The following CYP20A1 variants were observed in gnomAD, a reference collection of about 807,000 sequenced individuals.
CYP20A1 encodes the protein cytochrome P450 family 20 subfamily A member 1.
Under a neutral mutation model 61.4 loss-of-function variants are expected in CYP20A1, and 61 were observed. The ratio of observed to expected loss-of-function variants is 0.99; its 90% CI spans 0.81 to 1.23. The LOEUF (loss-of-function observed/expected upper bound fraction) is 1.23, where lower values mean the gene tolerates loss of function less well. CYP20A1 is among the 50% of genes most tolerant of loss of function. CYP20A1 has a pLI of 0.00. For synonymous variants in CYP20A1, 193 were observed against 188.2 expected (o/e 1.03, Z -0.21); for missense variants, 530 against 542.4 (o/e 0.98, Z 0.23).
chr2:203,249,294 C>G (rs1460525266), intron 3 of CYP20A1, among the ~76,000 whole-genome samples: 1 of 152,130 alleles, frequency 6.6e-6, no homozygotes, highest in African/African-American at 2.4e-5. Flanking sequence ...GTGCGAAGAT[C>G]GCTTGAACCC....
intron 2 of CYP20A1, 96 bp from the exon 3 acceptor site, chr2:203,246,659 C>T: frequency 2.7e-6 from 3 of 1,126,040 alleles, no homozygotes; most frequent in Non-Finnish European, 3.6e-6. Flanking sequence ...AACCTTTGTT[C>T]TCATTTATTG....
Position 203,266,695 on chromosome 2 carries a change from T to C in CYP20A1, c.600+14T>C, listed in dbSNP as rs567669951. Reference sequence around the variant, plus strand: ...AATCATGGCACAGTAAGTCTGGGGCTAAATTTAAAATTACTCTTTCAGGCT... The same window carrying C: ...AATCATGGCACAGTAAGTCTGGGGCCAAATTTAAAATTACTCTTTCAGGCT... On this transcript the variant is annotated intron_variant, in intron 5 of 12. Transcript: ENST00000356079. The C allele has an allele frequency of 6.2e-7, 1 of 1,610,502 alleles. No individual in the cohort carries two copies. Among genetic ancestry groups the C allele is most frequent in the Admixed American group, 1.7e-5 (1 of 59,934 alleles).
At chr2:203,243,665 T>A (rs1390536242) in intron 1 of CYP20A1, among the ~76,000 whole-genome samples, 1 of 149,496 alleles carries the variant, frequency 6.7e-6, no homozygotes. Flanking sequence ...ATTACAGGTA[T>A]GAGCCACTGC....
chr2:203,255,307 A>G (rs541820503), intron 4 of CYP20A1, among the ~76,000 whole-genome samples: 1 of 152,376 alleles, frequency 6.6e-6, no homozygotes, highest in South Asian at 2.1e-4. Flanking sequence ...TACTTTTTAA[A>G]AAAACTATGA....
chr2:203,239,210 C>A, intron 1 of CYP20A1, 76 bp downstream of exon 1: 1 of 1,289,364 alleles, frequency 7.8e-7, no homozygotes, highest in Non-Finnish European at 1.1e-6. Flanking sequence ...GGCCAACCTG[C>A]CCGCTGCGGG....
chr2:203,254,825 C>T (rs2066834763), intron 4 of CYP20A1, among the ~76,000 whole-genome samples: 2 of 151,990 alleles, frequency 1.3e-5, no homozygotes, highest in South Asian at 4.1e-4. Flanking sequence ...TCCATCTCTA[C>T]TAAAAATACA....
At chr2:203,249,734 A>G (rs62183879) in intron 3 of CYP20A1, among the ~76,000 whole-genome samples, 2,196 of 152,250 alleles carry the variant, frequency 0.014, 17 homozygotes, top group Non-Finnish European at 0.022. Context: ...AATCCCAGCT[A>G]CTGGAGAGGC....
intron 1 of CYP20A1, among the ~76,000 whole-genome samples, 192 bp downstream of exon 1, chr2:203,239,326 G>A (rs577378781): frequency 6.6e-6 from 1 of 152,052 alleles, no homozygotes; most frequent in African/African-American, 2.4e-5. Context: ...CTCTGAGAGC[G>A]ACGTGGGCTG....
chr2:203,285,846 T>A, intron 9 of CYP20A1, 114 bp downstream of exon 9: 1 of 900,742 alleles, frequency 1.1e-6, no homozygotes, highest in Non-Finnish European at 1.5e-6. Flanking sequence ...GGACTTAAAG[T>A]ATTTATATGT....
At chr2:203,264,454 C>T (rs2067251147) in intron 4 of CYP20A1, among the ~76,000 whole-genome samples, 1 of 152,118 alleles carries the variant, frequency 6.6e-6, no homozygotes, top group Non-Finnish European at 1.5e-5. Context: ...ATTAACTCCA[C>T]TAGCTTTCTT....
chr2:203,280,123 A>G lies in CYP20A1; in HGVS notation c.850+10A>G. 3.8e-6 allele frequency: 6 copies of G among 1,594,384 alleles called. No individual in the cohort carries two copies. Among genetic ancestry groups the G allele is most frequent in the Non-Finnish European group, 5.1e-6 (6 of 1,167,514 alleles). ...ATAATAACTGCAAAATGTAAGTATA[A>G]ATTGATTTCTTTTTCAGAGGAATTA... On this transcript the variant is annotated intron_variant, in intron 8 of 12. Transcript: ENST00000356079.
intron 4 of CYP20A1, among the ~76,000 whole-genome samples, chr2:203,262,317 C>G (rs369117266): frequency 1.3e-5 from 2 of 152,078 alleles, no homozygotes; most frequent in Non-Finnish European, 2.9e-5. Context: ...CTCAGCCCCT[C>G]AAAGTGCTGG....
chr2:203,289,822 T>C lies in CYP20A1; in HGVS notation c.1029T>C (p.Ser343=). The change falls in exon 10 of 13, where the codon TCT becomes TCC. Residue 343 remains serine, a synonymous_variant. Coordinates refer to ENST00000356079, the MANE Select transcript of CYP20A1 (RefSeq NM_177538.3). ...GAACTGCCAAACTGACTCCAGTTTC[T>C]GCCCAGCTTCAAGATATTGAAGGAA... ...TVRTAKLTPV[S]AQLQDIEGKI... 6.2e-7 allele frequency: 1 copy of C among 1,602,538 alleles called. No homozygotes were observed. Among genetic ancestry groups the C allele is most frequent in the South Asian group, 1.1e-5 (1 of 88,948 alleles).
chr2:203,274,274 C>G (rs2067724539), intron 6 of CYP20A1, among the ~76,000 whole-genome samples: 1 of 151,564 alleles, frequency 6.6e-6, no homozygotes, highest in African/African-American at 2.4e-5. Flanking sequence ...CAACCTCTGC[C>G]TCCTGGATTC....
chr2:203,296,675 G>A (rs1304137186), intron 12 of CYP20A1, 83 bp from the exon 13 acceptor site: 2 of 1,465,242 alleles, frequency 1.4e-6, no homozygotes, highest in African/African-American at 2.8e-5. Flanking sequence ...TGTACTTTAA[G>A]TTCTGGGGTT....
At chr2:203,265,716 A>C (rs563268909) in intron 4 of CYP20A1, among the ~76,000 whole-genome samples, 77 of 152,264 alleles carry the variant, frequency 5.1e-4, no homozygotes, top group African/African-American at 1.8e-3. Flanking sequence ...TTTGAGACAG[A>C]GTCTCGCTCT....
rs78718409 is a variant in CYP20A1 at position 203,248,612 on chromosome 2, A to G, written c.289+1691A>G. On this transcript the variant is annotated intron_variant, in intron 3 of 12. Transcript: ENST00000356079. ...GTAGAGAGTTCAGAAGACAAACCAA[A>G]TATGTATGATAAAGATAGCATTTTA... 1.3e-3 allele frequency among the ~76,000 whole-genome samples: 196 copies of G among 152,316 alleles called. 1 individual carries two copies. The highest frequency in any genetic ancestry group is 2.1e-3 in the Admixed American group (32 of 15,296).
intron 4 of CYP20A1, chr2:203,259,467 C>T (rs1319223107): frequency 6.6e-6 from 1 of 152,090 alleles, no homozygotes; most frequent in Non-Finnish European, 1.5e-5. Flanking sequence ...CTTCCCCCCT[C>T]TCTCTTGCTC....
In CYP20A1 at chr2:203,302,986, C is replaced by G. The variant is rs532304666; in HGVS notation, c.*6078C>G. Among the ~76,000 whole-genome samples the G allele has an allele frequency of 6.6e-6, 1 of 151,576 alleles. No individual in the cohort carries two copies. Among genetic ancestry groups the G allele is most frequent in the South Asian group, 2.1e-4 (1 of 4,788 alleles). ...GATTACAAGCATGAGCCACCGCGCT[C>G]GGTCCCTTTCTTTTTATTTATTTAT... On this transcript the variant is annotated 3_prime_UTR_variant, in exon 13 of 13. Coordinates refer to ENST00000356079, the MANE Select transcript of CYP20A1 (RefSeq NM_177538.3).
Sources: gnomAD v4.1 joint callset for allele counts (sites outside exome capture counted in the v4.1 genomes callset) on GRCh38, gnomAD v4.1.1 for gene constraint, MANE v1.5 for transcripts, NCBI Gene and HGNC (gene_info 2026-07-23, HGNC 2026-07-21) for gene names.